Variants in RANBP10 observed in about 807,000 individuals in gnomAD.
RANBP10 encodes the protein RAN binding protein 10, also known as ran-binding protein 10.
In RANBP10, 24 loss-of-function variants were observed where a neutral mutation model predicts 72.8. The observed-to-expected ratio is 0.33, with a 90% CI of 0.24 to 0.46. The LOEUF (loss-of-function observed/expected upper bound fraction) is 0.46, where lower values mean the gene tolerates loss of function less well. RANBP10 is among the 20% of genes least tolerant of loss of function. The pLI is 1.00. For missense variants in RANBP10, 679 were observed against 817.5 expected (o/e 0.83, Z 2.07); for synonymous variants, 310 against 322.3 (o/e 0.96, Z 0.41).
At chr16:67,751,483 G>A (rs1281538633) in intron 3 of RANBP10, among the ~76,000 whole-genome samples, 1 of 152,106 alleles carries the variant, frequency 6.6e-6, no homozygotes, top group South Asian at 2.1e-4. Context: ...AACTTAGCTG[G>A]GTGTGGTAGC....
chr16:67,762,970 G>C (rs1053821773), intron 3 of RANBP10, among the ~76,000 whole-genome samples: 14 of 152,194 alleles, frequency 9.2e-5, no homozygotes, highest in Non-Finnish European at 1.8e-4. Flanking sequence ...GTCAGACAAG[G>C]TTGAGTGGGG....
Position 67,725,870 on chromosome 16 carries a change from G to A in RANBP10, c.*558C>T. ...GACAGAGATTCTTCTTTTTTAATGA[G>A]TTGGACTCAAAGAAAACATGGTGCC... On this transcript the variant is annotated 3_prime_UTR_variant, in exon 14 of 14. Coordinates refer to ENST00000317506, the MANE Select transcript of RANBP10 (RefSeq NM_020850.3). 6.6e-6 allele frequency: 1 copy of A among 152,588 alleles called. No individual in the cohort carries two copies. Among genetic ancestry groups the A allele is most frequent in the South Asian group, 2.1e-4 (1 of 4,826 alleles). The allele number at this position is 152,588 out of a possible 1,614,324, so 9.5% of individuals were successfully genotyped here.
chr16:67,797,682 C>A (rs539745356), intron 2 of RANBP10, among the ~76,000 whole-genome samples: 2 of 151,906 alleles, frequency 1.3e-5, no homozygotes, highest in African/African-American at 4.8e-5. Flanking sequence ...TCATGGCACA[C>A]GCCTGTAATC....
intron 3 of RANBP10, among the ~76,000 whole-genome samples, chr16:67,749,992 T>G (rs1410057407): frequency 6.6e-6 from 1 of 152,152 alleles, no homozygotes; most frequent in African/African-American, 2.4e-5. Context: ...ATCCCTCAGA[T>G]AGAGCACAGG....
At chr16:67,762,573 T>C (rs1218203033) in intron 3 of RANBP10, 1 of 152,186 alleles carries the variant, frequency 6.6e-6, no homozygotes, top group African/African-American at 2.4e-5. Context: ...GTGGATTCAA[T>C]GACACTTAGT....
At position 67,729,994 on chromosome 16, in the gene RANBP10, G is replaced by A. The variant is rs1162920037; in HGVS notation, c.942C>T (p.Thr314=). 7 of 1,613,598 alleles carry A rather than the reference G, an allele frequency of 4.3e-6. No individual in the cohort carries two copies. The highest frequency in any genetic ancestry group is 5.1e-6 in the Non-Finnish European group (6 of 1,180,028). Residue 314 remains threonine, a synonymous_variant, in exon 8 of 14, where the codon ACC becomes ACT. Transcript: ENST00000317506. This position sits in a 1 kb window ranked among gnomAD's most constrained non-coding sequence, Gnocchi z 7.1. ...CCAGCAGCCCTGGGTAGAAGCGCTG[G>A]GTGGTCTCGATGGCCTCGCCCACAC... ...EGRVGEAIET[T]QRFYPGLLEH...
intron 2 of RANBP10, among the ~76,000 whole-genome samples, chr16:67,785,690 T>TGCA (rs1034784701): frequency 6.5e-5 from 9 of 139,204 alleles, no homozygotes; most frequent in African/African-American, 2.3e-4. Flanking sequence ...ATCACACCAC[T>TGCA]GCACTCCTGC....
At chr16:67,732,217 A>G (rs1323093591) in intron 6 of RANBP10, among the ~76,000 whole-genome samples, 1 of 152,192 alleles carries the variant, frequency 6.6e-6, no homozygotes, top group East Asian at 1.9e-4. Flanking sequence ...AAGCCAAGCA[A>G]TCAGGCTGAT....
intron 3 of RANBP10, among the ~76,000 whole-genome samples, chr16:67,765,605 G>A (rs938733238): frequency 2.6e-5 from 4 of 152,186 alleles, no homozygotes; most frequent in Non-Finnish European, 4.4e-5. Flanking sequence ...GAGAGGCTGA[G>A]GTGGGCGGAT....
At chr16:67,732,500 GGT>G (rs921652553) in intron 6 of RANBP10, among the ~76,000 whole-genome samples, 1 of 152,102 alleles carries the variant, frequency 6.6e-6, no homozygotes, top group Non-Finnish European at 1.5e-5. Context: ...CAGAAGTTTG[GGT>G]GTGTGTTCCC....
intron 7 of RANBP10, 88 bp downstream of exon 7, chr16:67,731,384 C>T: frequency 8.7e-7 from 1 of 1,151,620 alleles, no homozygotes. Context: ...GAATGGACTC[C>T]TGACAGGTTA....
At chr16:67,756,755 A>G (rs1359808033) in intron 3 of RANBP10, among the ~76,000 whole-genome samples, 1 of 152,192 alleles carries the variant, frequency 6.6e-6, no homozygotes, top group Non-Finnish European at 1.5e-5. Context: ...TAGCCTGAGC[A>G]CTGATCACCA....
At chr16:67,742,693 T>C (rs2053992058) in intron 4 of RANBP10, among the ~76,000 whole-genome samples, 1 of 152,090 alleles carries the variant, frequency 6.6e-6, no homozygotes, top group African/African-American at 2.4e-5. Context: ...TCTGCCCCCA[T>C]CCGTGAGCAA....
rs1487334669 is a variant in RANBP10, at chr16:67,728,678, T to C, written c.1353-167A>G. ...CAAGTCTTCAGCACTTGGCCCCTAC[T>C]GTGACACCAGCTATCCTCAGAGGCC... On this transcript the variant is annotated intron_variant, in intron 10 of 13. Coordinates refer to ENST00000317506, the MANE Select transcript of RANBP10 (RefSeq NM_020850.3). 3 of 1,273,236 alleles carry C rather than the reference T, an allele frequency of 2.4e-6. No homozygotes were observed. In the East Asian group the frequency reaches 7.6e-5, roughly 32 times the overall value. 78.9% of individuals were successfully genotyped at this position (1,273,236 alleles called of 1,614,324 possible). A position where few individuals can be genotyped will look rare whatever the true frequency, so the allele number is the denominator to read the frequency against.
chr16:67,769,609 G>A (rs930834295), intron 3 of RANBP10, among the ~76,000 whole-genome samples: 14 of 151,176 alleles, frequency 9.3e-5, no homozygotes, highest in Admixed American at 2.0e-4. Context: ...AGCCGGGCGT[G>A]GTGGCAGGCA....
intron 3 of RANBP10, among the ~76,000 whole-genome samples, chr16:67,748,481 G>A (rs1257343323): frequency 6.6e-6 from 1 of 151,632 alleles, no homozygotes. Context: ...CCAAGATCAC[G>A]CCACTGCACT....
chr16:67,766,895 T>C (rs973903533), intron 3 of RANBP10, among the ~76,000 whole-genome samples: 11 of 152,134 alleles, frequency 7.2e-5, no homozygotes, highest in Admixed American at 5.9e-4. Flanking sequence ...AAGTGGTATC[T>C]AGATGCAATC....
chr16:67,752,885 A>C (rs1010486606), intron 3 of RANBP10, among the ~76,000 whole-genome samples: 2 of 152,202 alleles, frequency 1.3e-5, no homozygotes, highest in Admixed American at 1.3e-4. Context: ...AAAGACAGGG[A>C]AAATGTAAAT....
At chr16:67,757,144 G>A (rs1180031347) in intron 3 of RANBP10, among the ~76,000 whole-genome samples, 2 of 152,198 alleles carry the variant, frequency 1.3e-5, no homozygotes, top group East Asian at 3.9e-4. Flanking sequence ...GGAGGCAGAG[G>A]TTGCGGTGAG....
Sources: gnomAD v4.1 joint callset for allele counts (sites outside exome capture counted in the v4.1 genomes callset) on GRCh38, gnomAD v4.1.1 for gene constraint, Gnocchi (gnomAD v3.1) non-coding constraint, MANE v1.5 for transcripts, NCBI Gene and HGNC (gene_info 2026-07-23, HGNC 2026-07-21) for gene names.